The following CER1 variants were observed in gnomAD, a reference collection of about 807,000 sequenced individuals.
The protein encoded by CER1 is cerberus.
Under a neutral mutation model 11.8 loss-of-function variants are expected in CER1, and 10 were observed. That is an observed-to-expected ratio of 0.85 (90% CI 0.52 to 1.44). The LOEUF (loss-of-function observed/expected upper bound fraction) is 1.44. Ranked by LOEUF, CER1 falls within the 40% of genes most tolerant of loss-of-function variation. The pLI, the probability that CER1 is intolerant of heterozygous loss-of-function variation, is 0.00. For missense variants in CER1, 431 were observed against 327.0 expected (o/e 1.32, Z -2.45); for synonymous variants, 141 against 122.3 (o/e 1.15, Z -1.01).
rs182549149 is a variant in CER1 at position 14,722,193 on chromosome 9, C to A, written c.480G>T (p.Glu160Asp). 1.5e-5 allele frequency: 25 copies of A among 1,614,024 alleles called. No homozygotes were observed. The South Asian group carries it at 2.0e-4, about 13-fold the overall frequency. Residue 160 changes from glutamate to aspartate, a missense_variant, in exon 1 of 2, where the codon GAG becomes GAT. Transcript: ENST00000380911. Reference sequence around the variant, plus strand: ...GGCTGAAGGGCACTGTCCTGCAGGTCTCCCAATGTACTTCATGGCTTTTGA... The same window carrying A: ...GGCTGAAGGGCACTGTCCTGCAGGTATCCCAATGTACTTCATGGCTTTTGA... ...LPIKSHEVHWETCRTVPFSQT... is the reference protein window; with the variant it reads ...LPIKSHEVHWDTCRTVPFSQT...
rs753970206 is a variant in CER1, at chr9:14,722,151, C to A, written c.507+15G>T. The A allele has an allele frequency of 1.2e-6, 2 of 1,607,198 alleles. No homozygotes were observed. Among genetic ancestry groups the A allele is most frequent in the Non-Finnish European group, 1.7e-6 (2 of 1,176,420 alleles). On this transcript the variant is annotated intron_variant, in intron 1 of 1. Transcript: ENST00000380911. ...ACCTGCAAACTCTTACCTGCTCTCC[C>A]CCCAGAACACATACCTGGCTGAAGG...
rs745943371 is a variant in CER1 at position 14,720,280 on chromosome 9, G to A, written c.614C>T (p.Ser205Phe). The A allele has an allele frequency of 1.2e-6, 2 of 1,614,106 alleles. No homozygotes were observed. Among genetic ancestry groups the A allele is most frequent in the African/African-American group, 2.7e-5 (2 of 75,060 alleles). ...CTTGGCAGGCAAACAGTGAGAGCAG[G>A]AGGTATGGGAGTGCTGCGCGGCTCC... is the stretch of plus-strand genomic sequence containing the variant. ...FPGAAQHSHT[S>F]CSHCLPAKFT... The change falls in exon 2 of 2, where the codon TCC becomes TTC. Residue 205 changes from serine to phenylalanine, a missense_variant. Physicochemically the swap from Ser to Phe is radical, Grantham distance 155. Transcript: ENST00000380911.
Position 14,722,204 on chromosome 9 carries a change from C to T in CER1, c.469G>A (p.Val157Ile). The T allele has an allele frequency of 1.2e-6, 2 of 1,614,160 alleles. No homozygotes were observed. Among genetic ancestry groups the T allele is most frequent in the Non-Finnish European group, 1.7e-6 (2 of 1,180,018 alleles). Residue 157 changes from valine (V) to isoleucine (I), a missense_variant, in exon 1 of 2, where the codon GTA becomes ATA. Coordinates refer to ENST00000380911, the MANE Select transcript of CER1 (RefSeq NM_005454.3). ...GVILPIKSHE[V>I]HWETCRTVPF... ...ACTGTCCTGCAGGTCTCCCAATGTACTTCATGGCTTTTGATGGGCAAGATG... is the reference window on the plus strand; with the variant it reads ...ACTGTCCTGCAGGTCTCCCAATGTATTTCATGGCTTTTGATGGGCAAGATG...
At chr9:14,721,722 C>T (rs552873546) in intron 1 of CER1, among the ~76,000 whole-genome samples, 4 of 152,144 alleles carry the variant, frequency 2.6e-5, no homozygotes, top group Admixed American at 2.0e-4. Flanking sequence ...CCAATGCACC[C>T]CACTTTATCA....
At chr9:14,720,611 C>A (rs755142007) in intron 1 of CER1, among the ~76,000 whole-genome samples, 4 of 152,074 alleles carry the variant, frequency 2.6e-5, no homozygotes, top group African/African-American at 7.2e-5. Context: ...TAGGGAATCC[C>A]TAAGTTAACA....
Position 14,722,437 on chromosome 9 carries a change from A to C in CER1, c.236T>G (p.Met79Arg). The C allele has an allele frequency of 8.1e-6, 13 of 1,614,182 alleles. No homozygotes were observed. Among genetic ancestry groups the C allele is most frequent in the Non-Finnish European group, 1.1e-5 (13 of 1,180,034 alleles). Residue 79 changes from methionine (M) to arginine (R), a missense_variant, in exon 1 of 2, where the codon ATG becomes AGG. Transcript: ENST00000380911. ...AGEGQRQREK[M>R]LSRFGRFWKK... ...CCAGAACCTGCCAAATCTGGACAGC[A>C]TCTTCTCTCTCTGCCTCTGGCCTTC...
intron 1 of CER1, among the ~76,000 whole-genome samples, chr9:14,721,438 G>A (rs1181535273): frequency 6.6e-6 from 1 of 152,112 alleles, no homozygotes; most frequent in Non-Finnish European, 1.5e-5. Flanking sequence ...TCAGGAGAAA[G>A]GTACTTCTAA....
chr9:14,721,322 A>G (rs945673753), intron 1 of CER1, among the ~76,000 whole-genome samples: 10 of 152,188 alleles, frequency 6.6e-5, no homozygotes, highest in African/African-American at 2.4e-4. Flanking sequence ...TTAATTTAAC[A>G]TTTGGAATGT....
rs74680728 is a variant in CER1 at position 14,721,233 on chromosome 9, G to A, written c.508-847C>T. Among the ~76,000 whole-genome samples, 844 of 152,216 alleles carry A rather than the reference G, an allele frequency of 5.5e-3. 5 individuals carry two copies. Among genetic ancestry groups the A allele is most frequent in the African/African-American group, 0.019 (773 of 41,530 alleles). On this transcript the variant is annotated intron_variant, in intron 1 of 1. Coordinates refer to ENST00000380911, the MANE Select transcript of CER1 (RefSeq NM_005454.3). ...CTTGCTTAATTGGGTAGCATTACTC[G>A]ACTATAAAATTTTACTCTACCCTGC... is the stretch of plus-strand genomic sequence containing the variant.
Position 14,722,246 on chromosome 9 carries a change from G to C in CER1, c.427C>G (p.Pro143Ala). 6.2e-7 allele frequency: 1 copy of C among 1,614,232 alleles called. No homozygotes were observed. Among genetic ancestry groups the C allele is most frequent in the Non-Finnish European group, 8.5e-7 (1 of 1,180,044 alleles). The change falls in exon 1 of 2, where the codon CCG becomes GCG. Residue 143 changes from proline (P) to alanine (A), a missense_variant. Pro to Ala is a conservative substitution (Grantham distance 27). Transcript: ENST00000380911. ...GGCAAGATGACCCCCTGAGAAGCCG[G>C]AGTTTTTCTGAACATGAAGTGGTGC... ...FWHHFMFRKT[P>A]ASQGVILPIK...
downstream of CER1, among the ~76,000 whole-genome samples, chr9:14,718,579 T>C (rs767326968): frequency 7.9e-5 from 12 of 152,098 alleles, no homozygotes; most frequent in Admixed American, 1.3e-4. Context: ...GATGGTGTGA[T>C]TAAAGAGGAA....
Position 14,722,437 on chromosome 9 carries a change from ATCT to A in CER1, c.233_235del (p.Lys78del), listed in dbSNP as rs1239658426. The A allele has an allele frequency of 1.2e-6, 2 of 1,614,182 alleles. No homozygotes were observed. Among genetic ancestry groups the A allele is most frequent in the South Asian group, 1.1e-5 (1 of 91,078 alleles). ...CCAGAACCTGCCAAATCTGGACAGC[ATCT>A]TCTCTCTCTGCCTCTGGCCTTCCCC... is the stretch of plus-strand genomic sequence containing the variant. On this transcript the variant is annotated inframe_deletion, in exon 1 of 2. Coordinates refer to ENST00000380911, the MANE Select transcript of CER1 (RefSeq NM_005454.3).
Position 14,720,472 on chromosome 9 carries a change from G to T in CER1, c.508-86C>A, listed in dbSNP as rs1839993465. The T allele has an allele frequency of 9.8e-6, 13 of 1,322,998 alleles. No individual in the cohort carries two copies. In the South Asian group the frequency reaches 1.1e-4, roughly 11 times the overall value. The allele number at this position is 1,322,998 out of a possible 1,614,324, so 82.0% of individuals were successfully genotyped here. A position where few individuals can be genotyped will look rare whatever the true frequency, so the allele number is the denominator to read the frequency against. ...CAGAAGCTATGGACTGTAAATCTGA[G>T]GATAATTTAAAAATTTCAAAGCTTT... On this transcript the variant is annotated intron_variant, in intron 1 of 1. Coordinates refer to ENST00000380911, the MANE Select transcript of CER1 (RefSeq NM_005454.3).
Position 14,720,437 on chromosome 9 carries a change from A to G in CER1, c.508-51T>C, listed in dbSNP as rs957961286. ...CGTTATTTTGAATTATTTCTTTAAC[A>G]CACATAATGCAGAAGCTATGGACTG... On this transcript the variant is annotated intron_variant, in intron 1 of 1. Coordinates refer to ENST00000380911, the MANE Select transcript of CER1 (RefSeq NM_005454.3). The G allele has an allele frequency of 9.2e-6, 14 of 1,515,282 alleles. No homozygotes were observed. In the African/African-American group the frequency reaches 1.6e-4, roughly 18 times the overall value. The allele number at this position is 1,515,282 out of a possible 1,614,324, so 93.9% of individuals were successfully genotyped here.
downstream of CER1, among the ~76,000 whole-genome samples, chr9:14,717,326 T>A (rs144605676): frequency 1.9e-4 from 29 of 152,220 alleles, no homozygotes; most frequent in African/African-American, 7.0e-4. Context: ...AAGCAAAAGA[T>A]GACAAAATAG....
chr9:14,718,725 GA>G (rs1313285528), downstream of CER1, among the ~76,000 whole-genome samples: 2 of 152,082 alleles, frequency 1.3e-5, no homozygotes, highest in Non-Finnish European at 2.9e-5. Flanking sequence ...TAACTTAATA[GA>G]AAAAGCAGTC....
At chr9:14,718,919 T>C (rs1299760248), downstream of CER1, among the ~76,000 whole-genome samples, 1 of 152,164 alleles carries the variant, frequency 6.6e-6, no homozygotes, top group African/African-American at 2.4e-5. Flanking sequence ...GATAGTACCT[T>C]TAAATTATGA....
downstream of CER1, among the ~76,000 whole-genome samples, chr9:14,719,519 CTGCCTGCG>C (rs1412079910): frequency 1.4e-5 from 2 of 146,138 alleles, no homozygotes; most frequent in Non-Finnish European, 3.0e-5. Context: ...GCCTCCCTGC[CTGCCTGCG>C]TGCCTGCCTG....
At chr9:14,718,629 T>G (rs1467433212), downstream of CER1, among the ~76,000 whole-genome samples, 1 of 152,172 alleles carries the variant, frequency 6.6e-6, no homozygotes, top group Non-Finnish European at 1.5e-5. Flanking sequence ...AAAAAAACAG[T>G]TATTCTGGGA....
Sources: allele counts gnomAD v4.1 joint callset (sites outside exome capture counted in the v4.1 genomes callset), GRCh38; gene constraint gnomAD v4.1.1; transcripts MANE v1.5; gene names NCBI Gene and HGNC (gene_info 2026-07-23, HGNC 2026-07-21).